Variants in ZNF462 observed in about 807,000 individuals in gnomAD.
The protein encoded by ZNF462 is zinc finger PBX1-interacting protein.
In ZNF462, 10 loss-of-function variants were observed where a neutral mutation model predicts 201.9. The observed-to-expected ratio is 0.05, with a 90% CI of 0.03 to 0.08. The LOEUF is 0.08. Among genes scored for constraint, ZNF462 ranks in the 10% least tolerant of loss-of-function variants. ZNF462 has a pLI of 1.00. For synonymous variants in ZNF462, 1,227 were observed against 1,193.3 expected (o/e 1.03, Z -0.58); for missense variants, 2,523 against 3,168.3 (o/e 0.80, Z 4.89).
chr9:106,900,208 G>GTGTGTA (rs1442917895), intron 1 of ZNF462, among the ~76,000 whole-genome samples: 7 of 31,400 alleles, frequency 2.2e-4, no homozygotes, highest in African/African-American at 1.9e-3. Flanking sequence ...TCCATCGTGT[G>GTGTGTA]TGTGTGTGTG....
At chr9:106,906,483 T>G (rs1185342159) in intron 1 of ZNF462, among the ~76,000 whole-genome samples, 2 of 152,202 alleles carry the variant, frequency 1.3e-5, no homozygotes, top group Admixed American at 6.5e-5. Context: ...ATTGATGATA[T>G]AAAGATATAA....
At chr9:106,897,833 T>A (rs1436854947) in intron 1 of ZNF462, among the ~76,000 whole-genome samples, 1 of 151,778 alleles carries the variant, frequency 6.6e-6, no homozygotes, top group African/African-American at 2.4e-5. Flanking sequence ...AGCAGGGCCC[T>A]GCTGATCCAT....
At position 106,938,089 on chromosome 9, in the gene ZNF462, G is replaced by C. The variant is rs531498811; in HGVS notation, c.6236-827G>C. Among the ~76,000 whole-genome samples the C allele has an allele frequency of 3.3e-5, 5 of 152,258 alleles. No homozygotes were observed. The highest frequency in any genetic ancestry group is 3.3e-4 in the Admixed American group (5 of 15,296). On this transcript the variant is annotated intron_variant, in intron 6 of 12. Transcript: ENST00000277225. The surrounding 1 kb of genome is among the most constrained non-coding windows in gnomAD (Gnocchi z 4.4). ...TTCTTAAAATGTAATTAATTTAACA[G>C]GTAATATATGGCGAAGGTAAATCAC...
At chr9:106,992,150 G>C (rs1828332923) in intron 10 of ZNF462, among the ~76,000 whole-genome samples, 1 of 151,878 alleles carries the variant, frequency 6.6e-6, no homozygotes, top group African/African-American at 2.4e-5. Context: ...ACAATAAGAA[G>C]ATAAGCAATT....
intron 10 of ZNF462, among the ~76,000 whole-genome samples, chr9:106,999,270 AT>A (rs201128745): frequency 0.02 from 3,068 of 152,228 alleles, 97 homozygotes; most frequent in African/African-American, 0.07. Flanking sequence ...AGTTATTCAA[AT>A]ACCCACCAAT....
At chr9:106,861,667 T>G (rs544406601), upstream of ZNF462, among the ~76,000 whole-genome samples, 1 of 152,380 alleles carries the variant, frequency 6.6e-6, no homozygotes, top group Admixed American at 6.5e-5. Flanking sequence ...ATTGATTTTT[T>G]TGATACTGTA....
chr9:106,918,796 C>G (rs1171901001), intron 1 of ZNF462, among the ~76,000 whole-genome samples: 2 of 152,106 alleles, frequency 1.3e-5, no homozygotes, highest in African/African-American at 2.4e-5. Context: ...TGAACTATTC[C>G]AGAATTTATG....
chr9:106,889,820 T>C (rs374758263), intron 1 of ZNF462, among the ~76,000 whole-genome samples: 8 of 152,184 alleles, frequency 5.3e-5, no homozygotes, highest in Admixed American at 3.9e-4. Context: ...GTGGTGCGTT[T>C]TAATGCATTT....
intron 7 of ZNF462, among the ~76,000 whole-genome samples, chr9:106,943,055 CGCGCGTGT>C (rs1319312664): frequency 2.5e-5 from 2 of 81,128 alleles, no homozygotes; most frequent in African/African-American, 1.1e-4. Flanking sequence ...TTGTTTTGCG[CGCGCGTGT>C]GTGTGTGTGT....
chr9:106,935,001 T>G lies in ZNF462; in HGVS notation c.6117-502T>G, dbSNP rs536022836. Among the ~76,000 whole-genome samples the G allele has an allele frequency of 1.8e-4, 28 of 152,296 alleles. 1 individual carries two copies. The South Asian group carries it at 5.6e-3, about 30-fold the overall frequency. On this transcript the variant is annotated intron_variant, in intron 5 of 12. Transcript: ENST00000277225. The surrounding 1 kb of genome is among the most constrained non-coding windows in gnomAD (Gnocchi z 4.1). ...GCCCATTGCAAGAAGGTCAGCCACT[T>G]CGAAACCTCCCTTCCTCACTCTAGT...
chr9:106,864,579 GTTCACCA>G (rs1023411926), intron 1 of ZNF462, among the ~76,000 whole-genome samples: 2 of 152,122 alleles, frequency 1.3e-5, no homozygotes, highest in Non-Finnish European at 2.9e-5. Context: ...TCTCCAGGCT[GTTCACCA>G]TTCCTGAAGG....
chr9:106,913,094 G>A lies in ZNF462; in HGVS notation c.-30-10260G>A, dbSNP rs998565514. 2.0e-5 allele frequency among the ~76,000 whole-genome samples: 3 copies of A among 152,176 alleles called. No homozygotes were observed. Among genetic ancestry groups the A allele is most frequent in the African/African-American group, 4.8e-5 (2 of 41,442 alleles). Reference sequence around the variant, plus strand: ...TAGCGGTGTTATAAACACATAGGTGGAACAATGCAGCCAGAGGCAGCTTCT... The same window carrying A: ...TAGCGGTGTTATAAACACATAGGTGAAACAATGCAGCCAGAGGCAGCTTCT... On this transcript the variant is annotated intron_variant, in intron 1 of 12. Coordinates refer to ENST00000277225, the MANE Select transcript of ZNF462 (RefSeq NM_021224.6). The surrounding 1 kb of genome is among the most constrained non-coding windows in gnomAD (Gnocchi z 4.1).
chr9:106,860,277 A>C (rs1827031750), upstream of ZNF462, among the ~76,000 whole-genome samples: 1 of 152,204 alleles, frequency 6.6e-6, no homozygotes, highest in Non-Finnish European at 1.5e-5. The surrounding 1 kb of genome is among the most constrained non-coding windows in gnomAD (Gnocchi z 7.1). Context: ...AGTTCACCGC[A>C]GTCGGTCCGC....
rs1174618195 is a variant in ZNF462, at chr9:106,962,815, T to C, written c.6428-9190T>C. On this transcript the variant is annotated intron_variant, in intron 7 of 12. Transcript: ENST00000277225. The surrounding 1 kb of genome is among the most constrained non-coding windows in gnomAD (Gnocchi z 4.6). ...ATGACAACGGAGTCCAGAATTCCTA[T>C]ATATAGTCATCCAGCATCCATTGTC... 1.3e-5 allele frequency among the ~76,000 whole-genome samples: 2 copies of C among 151,956 alleles called. No individual in the cohort carries two copies. The highest frequency in any genetic ancestry group is 2.9e-5 in the Non-Finnish European group (2 of 67,938).
intron 7 of ZNF462, among the ~76,000 whole-genome samples, chr9:106,943,059 C>CGCGCGCGCGCGTGTGTGTGTGT (rs374167214): frequency 7.0e-6 from 1 of 143,242 alleles, no homozygotes; most frequent in African/African-American, 2.6e-5. Context: ...TTTGCGCGCG[C>CGCGCGCGCGCGTGTGTGTGTGT]GTGTGTGTGT....
At chr9:106,911,698 G>A (rs765628365) in intron 1 of ZNF462, among the ~76,000 whole-genome samples, 2 of 152,166 alleles carry the variant, frequency 1.3e-5, no homozygotes, top group Non-Finnish European at 1.5e-5. Context: ...CAAACATAGA[G>A]ATCTCAACAT....
Position 106,886,029 on chromosome 9 carries a change from A to G in ZNF462, c.-31+22674A>G, listed in dbSNP as rs2130988692. ...GTATGCTCAAGGTAGCCTTAAAAAAATGTGTGATGCCTATTTTAAATAAAA... is the reference window on the plus strand; with the variant it reads ...GTATGCTCAAGGTAGCCTTAAAAAAGTGTGTGATGCCTATTTTAAATAAAA... On this transcript the variant is annotated intron_variant, in intron 1 of 12. Coordinates refer to ENST00000277225, the MANE Select transcript of ZNF462 (RefSeq NM_021224.6). The surrounding 1 kb of genome is among the most constrained non-coding windows in gnomAD (Gnocchi z 4.6). 6.6e-6 allele frequency among the ~76,000 whole-genome samples: 1 copy of G among 152,350 alleles called. No individual in the cohort carries two copies. The highest frequency in any genetic ancestry group is 1.9e-4 in the East Asian group (1 of 5,186).
At position 106,977,664 on chromosome 9, in the gene ZNF462, G is replaced by A. The variant is rs575391799; in HGVS notation, c.6832+3391G>A. Among the ~76,000 whole-genome samples, 34 of 151,616 alleles carry A rather than the reference G, an allele frequency of 2.2e-4. 2 individuals are homozygous for A. The highest frequency in any genetic ancestry group is 8.1e-4 in the African/African-American group (33 of 40,902). On this transcript the variant is annotated intron_variant, in intron 9 of 12. Coordinates refer to ENST00000277225, the MANE Select transcript of ZNF462 (RefSeq NM_021224.6). The surrounding 1 kb of genome is among the most constrained non-coding windows in gnomAD (Gnocchi z 4.6). ...TAAGACCCAGCACCCACTCTCCTCA[G>A]AGATGAGCATGTGCGTAGTATAGAC...
intron 7 of ZNF462, among the ~76,000 whole-genome samples, chr9:106,951,580 A>G (rs927147654): frequency 6.6e-6 from 1 of 152,164 alleles, no homozygotes; most frequent in Non-Finnish European, 1.5e-5. Context: ...TGGCCATATA[A>G]AGCCACTGTT....
Sources: allele counts gnomAD v4.1 joint callset (sites outside exome capture counted in the v4.1 genomes callset), GRCh38; gene constraint gnomAD v4.1.1; non-coding constraint Gnocchi (gnomAD v3.1); transcripts MANE v1.5; gene names NCBI Gene and HGNC (gene_info 2026-07-23, HGNC 2026-07-21).